The following PARP6 variants were observed in gnomAD, a reference collection of about 807,000 sequenced individuals.
The protein encoded by PARP6 is protein mono-ADP-ribosyltransferase PARP6.
A neutral mutation model predicts 92.0 loss-of-function variants in PARP6; 27 were observed. The ratio of observed to expected loss-of-function variants is 0.29; its 90% CI spans 0.22 to 0.40. The LOEUF (loss-of-function observed/expected upper bound fraction) is 0.40. Among genes scored for constraint, PARP6 ranks in the 10% least tolerant of loss-of-function variants. The pLI, the probability that PARP6 is intolerant of heterozygous loss-of-function variation, is 1.00. For synonymous variants in PARP6, 272 were observed against 281.2 expected (o/e 0.97, Z 0.33); for missense variants, 501 against 784.5 (o/e 0.64, Z 4.32).
At position 72,260,479 on chromosome 15, in the gene PARP6, A is replaced by G. The variant is rs764298259; in HGVS notation, c.755T>C (p.Leu252Ser). Residue 252 changes from leucine (L) to serine (S), a missense_variant and splice_region_variant, in exon 10 of 24, where the codon TTG (leucine) becomes TCG (serine). By Grantham distance (145) the Leu-to-Ser change is moderately radical. This residue lies in a region of PARP6 where 291 missense variants were observed against 352.0 expected (regional missense o/e 0.83). Transcript: ENST00000569795. ...TCAAACCCTCCCCAGCCCATGTACC[A>G]AAGGAGAGGTCCGTGCTGGGGGAGG... ...GLPPPARTSPLVSGHCKNIPT... is the reference protein window; with the variant it reads ...GLPPPARTSPSVSGHCKNIPT... 7.4e-6 allele frequency: 12 copies of G among 1,612,398 alleles called. No individual in the cohort carries two copies. The South Asian group carries it at 1.3e-4, about 18-fold the overall frequency.
intron 15 of PARP6, chr15:72,254,125 C>A (rs948885249): frequency 6.9e-5 from 33 of 476,964 alleles, no homozygotes; most frequent in East Asian, 4.0e-4. Flanking sequence ...TTCAAGCCCC[C>A]CTCCTCCTCA....
At chr15:72,251,302 T>A in intron 16 of PARP6, 47 bp from the exon 17 acceptor site, 1 of 1,245,478 alleles carries the variant, frequency 8.0e-7, no homozygotes, top group Non-Finnish European at 1.2e-6. Flanking sequence ...AATTATGTAT[T>A]TAAGCTATCC....
intron 19 of PARP6, 41 bp from the exon 20 acceptor site, chr15:72,249,355 C>T: frequency 2.6e-6 from 3 of 1,155,104 alleles, no homozygotes. Context: ...GAGCCTGGGC[C>T]CTCCCATGGC....
chr15:72,248,921 C>T (rs1353813763), intron 20 of PARP6, among the ~76,000 whole-genome samples: 4 of 152,230 alleles, frequency 2.6e-5, no homozygotes, highest in Admixed American at 6.5e-5. Flanking sequence ...TACAAGTATA[C>T]ACAAACACAA....
At chr15:72,255,203 T>C (rs1290076770) in intron 14 of PARP6, among the ~76,000 whole-genome samples, 2 of 152,212 alleles carry the variant, frequency 1.3e-5, no homozygotes, top group African/African-American at 2.4e-5. Flanking sequence ...TCTTCTTGGA[T>C]GTTAAGCCTT....
Position 72,265,154 on chromosome 15 carries a change from G to A in PARP6, c.255C>T (p.Ala85=). The A allele has an allele frequency of 6.2e-7, 1 of 1,612,146 alleles. No homozygotes were observed. Among genetic ancestry groups the A allele is most frequent in the South Asian group, 1.1e-5 (1 of 90,960 alleles). The change falls in exon 7 of 24, where the codon GCC becomes GCT. Residue 85 remains alanine, a synonymous_variant. Coordinates refer to ENST00000569795, the MANE Select transcript of PARP6 (RefSeq NM_001323532.2). ...TAGGTTCTGTCCGGAGGACCTTCCA[G>A]GCTGTAGAGACTTCCTCCTAAAAGA... is the stretch of plus-strand genomic sequence containing the variant. ...ISFLDEEVST[A]WKVLRTEPIV...
chr15:72,268,988 G>T (rs1252442950), intron 2 of PARP6, among the ~76,000 whole-genome samples: 1 of 152,126 alleles, frequency 6.6e-6, no homozygotes, highest in Non-Finnish European at 1.5e-5. Context: ...AAACTCATCT[G>T]TGAAATTATG....
intron 15 of PARP6, 28 bp from the exon 16 acceptor site, chr15:72,253,532 T>TC: frequency 6.3e-7 from 1 of 1,593,222 alleles, no homozygotes; most frequent in Non-Finnish European, 8.6e-7. Context: ...TAACGTTATC[T>TC]CCTTGGAGAG....
At chr15:72,248,852 C>G (rs2083958144) in intron 20 of PARP6, among the ~76,000 whole-genome samples, 1 of 152,106 alleles carries the variant, frequency 6.6e-6, no homozygotes, top group Admixed American at 6.5e-5. Context: ...GAAATATAAG[C>G]CAATGGAAAG....
chr15:72,258,740 G>GT lies in PARP6; in HGVS notation c.811-609dup, dbSNP rs2085462533. On this transcript the variant is annotated intron_variant, in intron 11 of 23. Coordinates refer to ENST00000569795, the MANE Select transcript of PARP6 (RefSeq NM_001323532.2). ...CTACAGCGTTTTTTTTGTTGTTGTT[G>GT]TTTGTTTGTTTTTAATGACACCCTG... 4.6e-5 allele frequency among the ~76,000 whole-genome samples: 7 copies of GT among 152,228 alleles called. No homozygotes were observed. In the South Asian group the frequency reaches 1.4e-3, roughly 32 times the overall value.
At chr15:72,265,811 A>G in intron 5 of PARP6, 86 bp downstream of exon 5, 2 of 884,056 alleles carry the variant, frequency 2.3e-6, no homozygotes, top group Non-Finnish European at 3.8e-6. Context: ...TCCCACTATC[A>G]TACCATAAAA....
chr15:72,251,196 T>C lies in PARP6; in HGVS notation c.1308+11A>G. The C allele has an allele frequency of 1.9e-6, 3 of 1,564,674 alleles. No individual in the cohort carries two copies. Among genetic ancestry groups the C allele is most frequent in the Non-Finnish European group, 2.6e-6 (3 of 1,134,870 alleles). On this transcript the variant is annotated intron_variant, in intron 17 of 23. Transcript: ENST00000569795. ...AAATTTAAAGCATTTAGAGGGAGAA[T>C]GGTCACTTACCCTGCTGAGAGGTAG...
chr15:72,241,468 A>C lies in PARP6; in HGVS notation c.1880T>G (p.Val627Gly). The part of the protein sequence containing the change: ...KEIMRVIGTQ[V>G]YTN ...GCTGGGGCCCCCTCAGTTTGTGTAA[A>C]CCTGAGTTCCGATCACACGCATGAT... The change falls in exon 24 of 24, where the codon GTT becomes GGT. Residue 627 changes from valine to glycine, a missense_variant. This residue lies in a region of PARP6 where 17 missense variants were observed against 16.5 expected (regional missense o/e 1.03). Transcript: ENST00000569795. This position sits in a 1 kb window ranked among gnomAD's most constrained non-coding sequence, Gnocchi z 4.1. 3 of 1,613,874 alleles carry C rather than the reference A, an allele frequency of 1.9e-6. No individual in the cohort carries two copies. Among genetic ancestry groups the C allele is most frequent in the Non-Finnish European group, 2.5e-6 (3 of 1,179,814 alleles).
chr15:72,255,485 T>C (rs932087542), intron 14 of PARP6, among the ~76,000 whole-genome samples: 2 of 151,828 alleles, frequency 1.3e-5, no homozygotes, highest in Non-Finnish European at 2.9e-5. Flanking sequence ...AACTCCTCAC[T>C]CCAGTCAAGT....
intron 16 of PARP6, among the ~76,000 whole-genome samples, chr15:72,253,073 G>A (rs549540646): frequency 6.6e-6 from 1 of 151,776 alleles, no homozygotes; most frequent in East Asian, 1.9e-4. Context: ...CAGCTACTGG[G>A]GAGGCTGAGG....
chr15:72,242,111 C>T lies in PARP6; in HGVS notation c.1705+46G>A. On this transcript the variant is annotated intron_variant, in intron 22 of 23. Transcript: ENST00000569795. The surrounding 1 kb of genome is among the most constrained non-coding windows in gnomAD (Gnocchi z 4.3). ...TCATGTGCCAAAATTACATCAGAAA[C>T]AAAGGTTAGAGACCCAGAAAAACAG... The T allele has an allele frequency of 6.4e-7, 1 of 1,569,378 alleles. No individual in the cohort carries two copies. Among genetic ancestry groups the T allele is most frequent in the Non-Finnish European group, 8.8e-7 (1 of 1,139,296 alleles).
At chr15:72,254,274 G>C (rs1597020608) in intron 15 of PARP6, among the ~76,000 whole-genome samples, 181 bp downstream of exon 15, 1 of 152,132 alleles carries the variant, frequency 6.6e-6, no homozygotes, top group Non-Finnish European at 1.5e-5. Flanking sequence ...AGAGAATAAA[G>C]AGGAGTAACA....
chr15:72,246,253 G>A (rs1465835771), intron 20 of PARP6, among the ~76,000 whole-genome samples: 1 of 152,198 alleles, frequency 6.6e-6, no homozygotes, highest in East Asian at 1.9e-4. Flanking sequence ...AGGTTCAAGT[G>A]ATTCTTCTGC....
intron 11 of PARP6, among the ~76,000 whole-genome samples, chr15:72,258,462 G>C (rs2085419493): frequency 6.6e-6 from 1 of 152,130 alleles, no homozygotes. Context: ...CACCTCATAG[G>C]GGTATTGCAA....
Sources: gnomAD v4.1 joint callset for allele counts (sites outside exome capture counted in the v4.1 genomes callset) on GRCh38, gnomAD v4.1.1 for gene constraint, gnomAD v4.1.1 regional missense constraint, Gnocchi (gnomAD v3.1) non-coding constraint, MANE v1.5 for transcripts, NCBI Gene and HGNC (gene_info 2026-07-23, HGNC 2026-07-21) for gene names.